MIEF2: variants seen among roughly 807,000 people sequenced by gnomAD.
MIEF2 encodes mitochondrial dynamics protein MID49.
MIEF2 carries 1 observed loss-of-function variant against 7.4 expected under a neutral mutation model. That is an observed-to-expected ratio of 0.14 (90% CI 0.05 to 0.64). MIEF2 has a LOEUF of 0.64. MIEF2 is among the 30% of genes least tolerant of loss of function. MIEF2 has a pLI of 0.85. For synonymous variants in MIEF2, 275 were observed against 290.5 expected (o/e 0.95, Z 0.54); for missense variants, 569 against 623.9 (o/e 0.91, Z 0.94).
At position 18,264,296 on chromosome 17, in the gene MIEF2, C is replaced by T; in HGVS notation, c.897C>T (p.Leu299=). ...AGGTGCAGCACGAACGCCTGGAGCT[C>T]ACTGTGGCTGTGCTTGTGGCAGTCC... ...LLEVQHERLE[L]TVAVLVAVPG... Residue 299 remains leucine, a synonymous_variant, in exon 4 of 4, where the codon CTC becomes CTT. Coordinates refer to ENST00000323019, the MANE Select transcript of MIEF2 (RefSeq NM_139162.4). The T allele has an allele frequency of 6.2e-7, 1 of 1,607,562 alleles. No homozygotes were observed.
At position 18,264,392 on chromosome 17, in the gene MIEF2, G is replaced by C. The variant is rs1181954506; in HGVS notation, c.993G>C (p.Leu331=). Residue 331 remains leucine (L), a synonymous_variant, in exon 4 of 4, where the codon CTG becomes CTC. Transcript: ENST00000323019. ...PLEGLAGNLW[L]QDLYPVEAAR... ...AGGGGCTGGCGGGGAACCTCTGGCT[G>C]CAGGACCTGTATCCAGTGGAGGCTG... 1 of 1,601,586 alleles carries C rather than the reference G, an allele frequency of 6.2e-7. No individual in the cohort carries two copies. Among genetic ancestry groups the C allele is most frequent in the Non-Finnish European group, 8.5e-7 (1 of 1,179,796 alleles).
intron 1 of MIEF2, among the ~76,000 whole-genome samples, chr17:18,261,714 A>G (rs754243551): frequency 1.3e-5 from 2 of 152,188 alleles, no homozygotes; most frequent in African/African-American, 4.8e-5. Flanking sequence ...ACTGCTGCCT[A>G]TGCCATCTTA....
intron 2 of MIEF2, 67 bp downstream of exon 2, chr17:18,262,934 A>C: frequency 3.4e-6 from 5 of 1,461,646 alleles, no homozygotes; most frequent in Non-Finnish European, 4.6e-6. Flanking sequence ...GGCTTTTCAG[A>C]GGGGCCCTGG....
At chr17:18,261,684 G>T (rs565179071) in intron 1 of MIEF2, among the ~76,000 whole-genome samples, 1 of 152,328 alleles carries the variant, frequency 6.6e-6, no homozygotes, top group African/African-American at 2.4e-5. Context: ...ACACTTCAAG[G>T]CTGCCCACAT....
intron 1 of MIEF2, chr17:18,261,251 A>G (rs1978399108): frequency 6.8e-7 from 1 of 1,463,102 alleles, no homozygotes. Flanking sequence ...CGAGTCACCG[A>G]TGAGGAGATT....
Position 18,266,240 on chromosome 17 carries a change from T to C in MIEF2, c.*1476T>C, listed in dbSNP as rs538060038. The C allele has an allele frequency of 6.6e-6, 1 of 152,062 alleles. No individual in the cohort carries two copies. Among genetic ancestry groups the C allele is most frequent in the Admixed American group, 6.5e-5 (1 of 15,280 alleles). 9.4% of individuals were successfully genotyped at this position (152,062 alleles called of 1,614,324 possible). ...ATAAATAAGCATCTTGGCCCCGCGC[T>C]GTGGCTCACGCCTATAATCCCAGCA... On this transcript the variant is annotated 3_prime_UTR_variant, in exon 4 of 4. Transcript: ENST00000323019.
chr17:18,265,193 T>C lies in MIEF2; in HGVS notation c.*429T>C, dbSNP rs183553457. 360 of 165,858 alleles carry C rather than the reference T, an allele frequency of 2.2e-3. 3 individuals are homozygous for C. The highest frequency in any genetic ancestry group is 5.2e-3 in the Admixed American group (93 of 17,770). The allele number at this position is 165,858 out of a possible 1,614,324, so 10.3% of individuals were successfully genotyped here. A position where few individuals can be genotyped will look rare whatever the true frequency, so the allele number is the denominator to read the frequency against. The stretch of plus-strand genomic sequence containing the variant: ...TTTTCCGGCCCTAGCTCCAGGCGTT[T>C]TGAGGCGTCTGGTGCCTGATGGTAG... On this transcript the variant is annotated 3_prime_UTR_variant, in exon 4 of 4. Coordinates refer to ENST00000323019, the MANE Select transcript of MIEF2 (RefSeq NM_139162.4).
intron 1 of MIEF2, chr17:18,261,258 G>A: frequency 7.0e-7 from 1 of 1,420,526 alleles, no homozygotes; most frequent in African/African-American, 1.4e-5. Flanking sequence ...CCGATGAGGA[G>A]ATTGAAACCG....
chr17:18,261,121 G>T lies in MIEF2; in HGVS notation c.-8+384G>T, dbSNP rs1285225676. The T allele has an allele frequency of 2.6e-6, 4 of 1,551,424 alleles. No individual in the cohort carries two copies. The African/African-American group carries it at 4.1e-5, about 16-fold the overall frequency. ...TGGAAGGCTGTGGACTGAGGCCTGC[G>T]CGACCCCGCCAGAGATGGGGCTGAG... On this transcript the variant is annotated intron_variant, in intron 1 of 3. Transcript: ENST00000323019.
chr17:18,264,128 C>T lies in MIEF2; in HGVS notation c.729C>T (p.Phe243=), dbSNP rs1482182278. Residue 243 remains phenylalanine (F), a synonymous_variant, in exon 4 of 4, where the codon TTC becomes TTT. Coordinates refer to ENST00000323019, the MANE Select transcript of MIEF2 (RefSeq NM_139162.4). ...CPRGSSPWDR[F]LVGGYLSSRV... ...GTGGGAGCAGCCCCTGGGACCGCTT[C>T]CTGGTCGGGGGCTACCTCTCCTCCC... The T allele has an allele frequency of 1.9e-6, 3 of 1,557,872 alleles. No individual in the cohort carries two copies. In the East Asian group the frequency reaches 7.1e-5, roughly 37 times the overall value.
At chr17:18,261,618 T>G (rs1978420890) in intron 1 of MIEF2, among the ~76,000 whole-genome samples, 1 of 152,236 alleles carries the variant, frequency 6.6e-6, no homozygotes, top group Admixed American at 6.5e-5. Context: ...GAATGTGGAC[T>G]GGGCCCTAGG....
intron 1 of MIEF2, chr17:18,261,091 G>A: frequency 3.2e-6 from 5 of 1,550,934 alleles, no homozygotes; most frequent in Admixed American, 2.0e-5. Context: ...CCTGCTTCTC[G>A]GAGCTGGAAG....
Position 18,264,361 on chromosome 17 carries a change from C to T in MIEF2, c.962C>T (p.Pro321Leu). ...DADDRLLLAWPLEGLAGNLWL... is the reference protein window; with the variant it reads ...DADDRLLLAWLLEGLAGNLWL... ...GACGACCGCCTCCTCTTGGCCTGGC[C>T]CCTGGAGGGGCTGGCGGGGAACCTC... is the stretch of plus-strand genomic sequence containing the variant. The change falls in exon 4 of 4, where the codon CCC becomes CTC. Residue 321 changes from proline (P) to leucine (L), a missense_variant. Pro to Leu is a moderately conservative substitution (Grantham distance 98). Transcript: ENST00000323019. 6.2e-7 allele frequency: 1 copy of T among 1,604,928 alleles called. No individual in the cohort carries two copies. The highest frequency in any genetic ancestry group is 1.3e-5 in the African/African-American group (1 of 75,036).
chr17:18,261,384 C>T (rs1474729781), intron 1 of MIEF2, among the ~76,000 whole-genome samples: 1 of 152,168 alleles, frequency 6.6e-6, no homozygotes, highest in Non-Finnish European at 1.5e-5. Context: ...GCGCTTCAGG[C>T]TTCAGCTACT....
intron 3 of MIEF2, 79 bp downstream of exon 3, chr17:18,263,327 C>T (rs1358082773): frequency 1.3e-6 from 2 of 1,572,768 alleles, no homozygotes; most frequent in African/African-American, 1.3e-5. Context: ...GACTGTGTGA[C>T]CCTGCGCGAG....
intron 3 of MIEF2, 115 bp from the exon 4 acceptor site, chr17:18,263,595 G>A: frequency 7.4e-7 from 1 of 1,346,900 alleles, no homozygotes; most frequent in Non-Finnish European, 9.8e-7. Context: ...CTTCTCAGGT[G>A]CCACTGCAGG....
chr17:18,265,656 G>A lies in MIEF2; in HGVS notation c.*892G>A, dbSNP rs567172332. The A allele has an allele frequency of 2.3e-4, 35 of 152,140 alleles. No individual in the cohort carries two copies. The highest frequency in any genetic ancestry group is 8.4e-4 in the African/African-American group (35 of 41,528). The allele number at this position is 152,140 out of a possible 1,614,324, so 9.4% of individuals were successfully genotyped here. A position where few individuals can be genotyped will look rare whatever the true frequency, so the allele number is the denominator to read the frequency against. On this transcript the variant is annotated 3_prime_UTR_variant, in exon 4 of 4. Coordinates refer to ENST00000323019, the MANE Select transcript of MIEF2 (RefSeq NM_139162.4). Reference sequence around the variant, plus strand: ...TTAAGAGGTAGCAAGGGGGCTAGAGGAGGGAGATTCCACCTCCCCTCCCAA... The same window carrying A: ...TTAAGAGGTAGCAAGGGGGCTAGAGAAGGGAGATTCCACCTCCCCTCCCAA...
intron 1 of MIEF2, 92 bp from the exon 2 acceptor site, chr17:18,262,622 T>C: frequency 8.0e-7 from 1 of 1,252,572 alleles, no homozygotes. Flanking sequence ...TTACCCAGCA[T>C]AAGGACAGCT....
In MIEF2 at chr17:18,264,346, T is replaced by C; in HGVS notation, c.947T>C (p.Leu316Pro). The change falls in exon 4 of 4, where the codon CTC becomes CCC. Residue 316 changes from leucine (L) to proline (P), a missense_variant. Physicochemically the swap from Leu to Pro is moderately conservative, Grantham distance 98. Transcript: ENST00000323019. ...AVPGVDADDR[L>P]LLAWPLEGLA... ...CCTGGGGTCGATGCTGACGACCGCC[T>C]CCTCTTGGCCTGGCCCCTGGAGGGG... The C allele has an allele frequency of 1.9e-6, 3 of 1,605,866 alleles. No individual in the cohort carries two copies. The highest frequency in any genetic ancestry group is 2.5e-6 in the Non-Finnish European group (3 of 1,179,872).
Sources: allele counts gnomAD v4.1 joint callset (sites outside exome capture counted in the v4.1 genomes callset), GRCh38; gene constraint gnomAD v4.1.1; transcripts MANE v1.5; gene names NCBI Gene and HGNC (gene_info 2026-07-23, HGNC 2026-07-21).